NBEAL1: variants seen among roughly 807,000 people sequenced by gnomAD.
NBEAL1 encodes neurobeachin like 1, also known as neurobeachin-like protein 1.
In NBEAL1, 273 loss-of-function variants were observed where a neutral mutation model predicts 351.3. The observed-to-expected ratio is 0.78, with a 90% CI of 0.70 to 0.86. NBEAL1 has a LOEUF of 0.86. Ranked by LOEUF, NBEAL1 falls within the 40% of genes least tolerant of loss-of-function variation. The pLI is 0.00. For synonymous variants in NBEAL1, 1,050 were observed against 1,086.4 expected (o/e 0.97, Z 0.66); for missense variants, 2,961 against 3,201.3 (o/e 0.92, Z 1.81).
intron 54 of NBEAL1, among the ~76,000 whole-genome samples, chr2:203,212,414 C>T (rs921360887): frequency 2.0e-5 from 3 of 151,556 alleles, no homozygotes; most frequent in Admixed American, 2.0e-4. Flanking sequence ...CAAGACCAGC[C>T]TGGCCAACAT....
At position 203,049,801 on chromosome 2, in the gene NBEAL1, C is replaced by T. The variant is rs1319434190; in HGVS notation, c.144-13C>T. On this transcript the variant is annotated splice_polypyrimidine_tract_variant and intron_variant, in intron 3 of 55. Transcript: ENST00000683969. The stretch of plus-strand genomic sequence containing the variant: ...TTCAACAGGCTTCTTATTTTTTTCC[C>T]TTTCTGTTGTAGGGTAGATGATATG... The T allele has an allele frequency of 3.3e-6, 5 of 1,494,202 alleles. No individual in the cohort carries two copies. Among genetic ancestry groups the T allele is most frequent in the Admixed American group, 5.0e-5 (2 of 40,268 alleles). The allele number at this position is 1,494,202 out of a possible 1,614,324, so 92.6% of individuals were successfully genotyped here. A position where few individuals can be genotyped will look rare whatever the true frequency, so the allele number is the denominator to read the frequency against.
chr2:203,055,441 A>G (rs2061388333), intron 4 of NBEAL1, among the ~76,000 whole-genome samples: 1 of 152,076 alleles, frequency 6.6e-6, no homozygotes, highest in Non-Finnish European at 1.5e-5. Context: ...TCATCTCAAC[A>G]AAAAATGTAA....
At chr2:203,217,037 C>G (rs1006536943) in intron 55 of NBEAL1, among the ~76,000 whole-genome samples, 5 of 152,136 alleles carry the variant, frequency 3.3e-5, no homozygotes, top group African/African-American at 1.2e-4. Flanking sequence ...CTCCTGGCCT[C>G]AAGTGATCTA....
intron 6 of NBEAL1, among the ~76,000 whole-genome samples, chr2:203,066,340 T>C (rs889107377): frequency 4.9e-5 from 7 of 141,720 alleles, no homozygotes; most frequent in African/African-American, 7.7e-5. Flanking sequence ...TTTTTTTTTT[T>C]CCATTTAAAC....
chr2:203,172,225 G>T (rs1373580266), intron 40 of NBEAL1, among the ~76,000 whole-genome samples: 2 of 152,014 alleles, frequency 1.3e-5, no homozygotes, highest in African/African-American at 4.8e-5. Flanking sequence ...TCACTTCCTT[G>T]AAAATATCCA....
chr2:203,154,608 T>C (rs4675316), intron 35 of NBEAL1, among the ~76,000 whole-genome samples: 138,473 of 152,176 alleles, frequency 0.91, 63,510 homozygotes, highest in Non-Finnish European at 0.96. Flanking sequence ...TAAAATATTA[T>C]TTTGGATGGA....
chr2:203,222,061 G>A lies in NBEAL1; in HGVS notation c.*4707G>A, dbSNP rs537343706. ...AAATTAGCCTTGTGTGCTGGCAAGC[G>A]CCTGTAGTCCTAGCTGCTCGGGAGG... On this transcript the variant is annotated 3_prime_UTR_variant, in exon 56 of 56. Transcript: ENST00000683969. 6.6e-6 allele frequency among the ~76,000 whole-genome samples: 1 copy of A among 152,288 alleles called. No individual in the cohort carries two copies. Among genetic ancestry groups the A allele is most frequent in the South Asian group, 2.1e-4 (1 of 4,828 alleles).
At chr2:203,120,487 C>A (rs983345340) in intron 18 of NBEAL1, among the ~76,000 whole-genome samples, 1 of 152,098 alleles carries the variant, frequency 6.6e-6, no homozygotes, top group Non-Finnish European at 1.5e-5. Context: ...AAGATGGTAT[C>A]ATTTGTGTTT....
chr2:203,088,795 T>A (rs2062013380), intron 10 of NBEAL1, among the ~76,000 whole-genome samples: 1 of 152,180 alleles, frequency 6.6e-6, no homozygotes, highest in African/African-American at 2.4e-5. Flanking sequence ...TCCTAAGTAT[T>A]TGACATGAAT....
At chr2:203,106,086 T>A (rs1364321965) in intron 12 of NBEAL1, among the ~76,000 whole-genome samples, 2 of 152,230 alleles carry the variant, frequency 1.3e-5, no homozygotes, top group Non-Finnish European at 2.9e-5. Flanking sequence ...TCTCATTCAC[T>A]GCCACTGACT....
intron 12 of NBEAL1, among the ~76,000 whole-genome samples, chr2:203,107,146 C>A (rs1230733811): frequency 6.6e-6 from 1 of 152,062 alleles, no homozygotes; most frequent in African/African-American, 2.4e-5. Flanking sequence ...ATGCCCTAAT[C>A]TGCAAATAAT....
At position 203,151,591 on chromosome 2, in the gene NBEAL1, T is replaced by G. The variant is rs1169111557; in HGVS notation, c.5587+2T>G. On this transcript the variant is annotated splice_donor_variant, in intron 35 of 55. Transcript: ENST00000683969. LOFTEE classifies it high-confidence loss of function. ...CTAGTGCCTTGAGAGATAATCTGGG[T>G]GAGTTCCAATGACTGTTTAATTGTT... is the stretch of plus-strand genomic sequence containing the variant. 1 of 1,591,406 alleles carries G rather than the reference T, an allele frequency of 6.3e-7. No homozygotes were observed. The highest frequency in any genetic ancestry group is 1.4e-5 in the African/African-American group (1 of 73,782).
At chr2:203,079,146 C>G (rs1377407255) in intron 8 of NBEAL1, among the ~76,000 whole-genome samples, 2 of 152,154 alleles carry the variant, frequency 1.3e-5, no homozygotes, top group Admixed American at 1.3e-4. Flanking sequence ...GTGGCTCTAT[C>G]ATGGCTCACT....
chr2:203,168,231 T>C (rs2064198903), intron 38 of NBEAL1, among the ~76,000 whole-genome samples: 1 of 152,278 alleles, frequency 6.6e-6, no homozygotes, highest in African/African-American at 2.4e-5. Flanking sequence ...TGTATAACTT[T>C]ATTGTCTTTA....
In NBEAL1 at chr2:203,167,505, G is replaced by A. The variant is rs185578913; in HGVS notation, c.5997+145G>A. 2.6e-4 allele frequency: 215 copies of A among 830,398 alleles called. No homozygotes were observed. In the African/African-American group the frequency reaches 3.4e-3, roughly 13 times the overall value. 51.4% of individuals were successfully genotyped at this position (830,398 alleles called of 1,614,324 possible). On this transcript the variant is annotated intron_variant, in intron 38 of 55. Transcript: ENST00000683969. ...ATACATACTTTGGGGGCTAATCAGT[G>A]TATGAATTTTTGTTGAGATTTATAT...
chr2:203,037,915 A>T (rs1244897894), intron 2 of NBEAL1, among the ~76,000 whole-genome samples: 1 of 149,376 alleles, frequency 6.7e-6, no homozygotes, highest in Non-Finnish European at 1.5e-5. Context: ...TGATTGTGCC[A>T]CTGCACTCCG....
intron 26 of NBEAL1, among the ~76,000 whole-genome samples, chr2:203,132,565 A>G (rs1036389206): frequency 2.0e-5 from 3 of 152,166 alleles, no homozygotes; most frequent in South Asian, 2.1e-4. Context: ...GGCTAGTGAC[A>G]GGTGTGATCA....
At chr2:203,181,620 A>G (rs2064719842) in intron 43 of NBEAL1, 1 of 152,188 alleles carries the variant, frequency 6.6e-6, no homozygotes, top group African/African-American at 2.4e-5. Flanking sequence ...GGTTATTACC[A>G]ACTTTTTTCC....
intron 3 of NBEAL1, among the ~76,000 whole-genome samples, chr2:203,046,181 CTTT>C (rs1044745584): frequency 6.8e-6 from 1 of 146,192 alleles, no homozygotes. Flanking sequence ...GAACTAGAAA[CTTT>C]TTTTTTTTAA....
Sources: allele counts gnomAD v4.1 joint callset (sites outside exome capture counted in the v4.1 genomes callset), GRCh38; gene constraint gnomAD v4.1.1; transcripts MANE v1.5; gene names NCBI Gene and HGNC (gene_info 2026-07-23, HGNC 2026-07-21).